XPOT: variants seen among roughly 807,000 people sequenced by gnomAD.
XPOT encodes exportin-T.
A neutral mutation model predicts 128.2 loss-of-function variants in XPOT; 34 were observed. The ratio of observed to expected loss-of-function variants is 0.27; its 90% CI spans 0.20 to 0.35. XPOT has a LOEUF of 0.35. Among genes scored for constraint, XPOT ranks in the 10% least tolerant of loss-of-function variants. The pLI is 1.00. For missense variants in XPOT, 838 were observed against 1,125.3 expected (o/e 0.74, Z 3.65); for synonymous variants, 348 against 394.3 (o/e 0.88, Z 1.39).
intron 18 of XPOT, among the ~76,000 whole-genome samples, chr12:64,432,230 T>C (rs1285451681): frequency 1.3e-5 from 2 of 152,114 alleles, no homozygotes; most frequent in Non-Finnish European, 2.9e-5. Context: ...ACTTACATAG[T>C]ACCTCTTTTT....
chr12:64,409,198 A>G (rs574781512), intron 1 of XPOT, among the ~76,000 whole-genome samples: 1 of 152,298 alleles, frequency 6.6e-6, no homozygotes, highest in African/African-American at 2.4e-5. Context: ...CTAATGTTTT[A>G]AAGAAGGTTT....
chr12:64,440,964 A>G (rs925384971), intron 23 of XPOT, among the ~76,000 whole-genome samples: 8 of 152,110 alleles, frequency 5.3e-5, no homozygotes, highest in African/African-American at 1.2e-4. Flanking sequence ...TCTTAATTCA[A>G]TGTAGCCCCA....
At chr12:64,431,479 C>G in intron 17 of XPOT, 59 bp from the exon 18 acceptor site, 1 of 1,551,008 alleles carries the variant, frequency 6.4e-7, no homozygotes, top group East Asian at 2.3e-5. Flanking sequence ...CTTTTGAATA[C>G]TCCATAACAC....
chr12:64,446,042 TG>T lies in XPOT; in HGVS notation c.2862+912del, dbSNP rs146688481. Among the ~76,000 whole-genome samples the T allele has an allele frequency of 4.8e-3, 732 of 152,326 alleles. 7 individuals carry two copies. The highest frequency in any genetic ancestry group is 0.017 in the African/African-American group (694 of 41,578). ...GTCAGCTTAAACATCTCAGAGTTTTTGTGGAAGAATATTGAGGGCTTGTTTT... is the reference window on the plus strand; with the variant it reads ...GTCAGCTTAAACATCTCAGAGTTTTTTGGAAGAATATTGAGGGCTTGTTTT... On this transcript the variant is annotated intron_variant, in intron 24 of 24. Coordinates refer to ENST00000332707, the MANE Select transcript of XPOT (RefSeq NM_007235.6).
rs753766457 is a variant in XPOT, at chr12:64,424,991, A to T, written c.1308-47A>T. On this transcript the variant is annotated intron_variant, in intron 12 of 24. Coordinates refer to ENST00000332707, the MANE Select transcript of XPOT (RefSeq NM_007235.6). ...TCTTACCCTGTGCATAATTTGCTGT[A>T]TGAAAAATTTATCTTTAAATCTCAC... The T allele has an allele frequency of 1.9e-6, 3 of 1,607,294 alleles. No individual in the cohort carries two copies. In the African/African-American group the frequency reaches 4.0e-5, roughly 22 times the overall value.
In XPOT at chr12:64,451,086, A is replaced by G. The variant is rs2040409324; in HGVS notation, c.*2955A>G. The G allele has an allele frequency of 6.6e-6, 1 of 152,354 alleles. No individual in the cohort carries two copies. Among genetic ancestry groups the G allele is most frequent in the African/African-American group, 2.4e-5 (1 of 41,574 alleles). The allele number at this position is 152,354 out of a possible 1,614,324, so 9.4% of individuals were successfully genotyped here. On this transcript the variant is annotated 3_prime_UTR_variant, in exon 25 of 25. Coordinates refer to ENST00000332707, the MANE Select transcript of XPOT (RefSeq NM_007235.6). ...GTTAGAATGATTCCATCACTTATAC[A>G]TTGTTTAAAATGCTAATAAAGTAAC...
intron 21 of XPOT, 52 bp downstream of exon 21, chr12:64,434,961 T>C: frequency 6.9e-7 from 1 of 1,450,892 alleles, no homozygotes; most frequent in African/African-American, 1.4e-5. Context: ...TATTCCCAAT[T>C]TCTTCTTTAA....
chr12:64,442,660 T>C (rs2040335304), intron 23 of XPOT: 1 of 152,402 alleles, frequency 6.6e-6, no homozygotes, highest in South Asian at 2.1e-4. Flanking sequence ...GAGCTGCTTT[T>C]TCTCCTGCTC....
At chr12:64,446,412 G>A (rs1463385256) in intron 24 of XPOT, among the ~76,000 whole-genome samples, 1 of 152,164 alleles carries the variant, frequency 6.6e-6, no homozygotes, top group Non-Finnish European at 1.5e-5. Context: ...CTTCACATCT[G>A]ATTGATCCTC....
chr12:64,421,835 G>A (rs1406831753), intron 9 of XPOT, among the ~76,000 whole-genome samples: 1 of 150,986 alleles, frequency 6.6e-6, no homozygotes, highest in African/African-American at 2.4e-5. Flanking sequence ...TTTTTGAGAC[G>A]GAGTTTTGCT....
At chr12:64,426,239 G>A (rs1278639489) in intron 15 of XPOT, among the ~76,000 whole-genome samples, 1 of 150,836 alleles carries the variant, frequency 6.6e-6, no homozygotes, top group African/African-American at 2.4e-5. Flanking sequence ...CCTGGGAGGT[G>A]GAGGTTGCAG....
At chr12:64,445,809 TTTA>T (rs1393175406) in intron 24 of XPOT, among the ~76,000 whole-genome samples, 6 of 152,254 alleles carry the variant, frequency 3.9e-5, no homozygotes, top group Non-Finnish European at 7.3e-5. Flanking sequence ...TGAATTATTT[TTTA>T]TTATCTTCAC....
At chr12:64,428,934 C>T (rs1207208609) in intron 16 of XPOT, among the ~76,000 whole-genome samples, 1 of 152,190 alleles carries the variant, frequency 6.6e-6, no homozygotes, top group Non-Finnish European at 1.5e-5. Context: ...GTGCATGTCA[C>T]TATGGTTAGT....
chr12:64,428,101 T>A lies in XPOT; in HGVS notation c.1718T>A (p.Leu573Ter), dbSNP rs969754570. ...GATATTTTGAATAGAATACAAGATT[T>A]ATTAGAGCTTTCTCCACCTGTAAGT... is the stretch of plus-strand genomic sequence containing the variant. ...IEDILNRIQD[L>*]LELSPPENGH... The change falls in exon 16 of 25, where the codon TTA becomes TAA. Residue 573 changes from leucine to a stop codon, truncating the protein, a stop_gained. Transcript: ENST00000332707. LOFTEE classifies it high-confidence loss of function. 6.4e-7 allele frequency: 1 copy of A among 1,572,776 alleles called. No individual in the cohort carries two copies. The highest frequency in any genetic ancestry group is 2.2e-5 in the East Asian group (1 of 44,614).
intron 3 of XPOT, 104 bp downstream of exon 3, chr12:64,415,093 G>GA: frequency 2.8e-6 from 2 of 722,944 alleles, no homozygotes; most frequent in Non-Finnish European, 4.6e-6. Flanking sequence ...AACATTTTAT[G>GA]ACTTTTTTTT....
intron 16 of XPOT, among the ~76,000 whole-genome samples, chr12:64,429,243 G>C (rs894452310): frequency 1.3e-5 from 2 of 152,142 alleles, no homozygotes; most frequent in Non-Finnish European, 2.9e-5. Flanking sequence ...TTCAGAGAGA[G>C]ACCAATTTGC....
chr12:64,407,603 G>A (rs1441354773), intron 1 of XPOT, among the ~76,000 whole-genome samples: 2 of 152,152 alleles, frequency 1.3e-5, no homozygotes, highest in African/African-American at 4.8e-5. Context: ...GGTCAAAGAA[G>A]TGTTCTTGAA....
In XPOT at chr12:64,429,360, G is replaced by T. The variant is rs1020251599; in HGVS notation, c.1738-689G>T. Among the ~76,000 whole-genome samples, 3 of 152,014 alleles carry T rather than the reference G, an allele frequency of 2.0e-5. No homozygotes were observed. The East Asian group carries it at 5.8e-4, about 29-fold the overall frequency. Reference sequence around the variant, plus strand: ...TACTTGGACTGACTAATCTTTCCTGGAAACACCCTTACAGACACATGCAAA... The same window carrying T: ...TACTTGGACTGACTAATCTTTCCTGTAAACACCCTTACAGACACATGCAAA... On this transcript the variant is annotated intron_variant, in intron 16 of 24. Coordinates refer to ENST00000332707, the MANE Select transcript of XPOT (RefSeq NM_007235.6).
rs371854312 is a variant in XPOT at position 64,423,093 on chromosome 12, A to T, written c.1119+50A>T. The T allele has an allele frequency of 9.4e-6, 15 of 1,604,200 alleles. No homozygotes were observed. The African/African-American group carries it at 1.9e-4, about 20-fold the overall frequency. ...AACCAATGATAGATTTTTAGTCTGT[A>T]ATTTGCCTTGAAATGTAGCTTAATT... On this transcript the variant is annotated intron_variant, in intron 10 of 24. Coordinates refer to ENST00000332707, the MANE Select transcript of XPOT (RefSeq NM_007235.6).
Sources: allele counts gnomAD v4.1 joint callset (sites outside exome capture counted in the v4.1 genomes callset), GRCh38; gene constraint gnomAD v4.1.1; transcripts MANE v1.5; gene names NCBI Gene and HGNC (gene_info 2026-07-23, HGNC 2026-07-21).